The following SLC16A12 variants were observed in gnomAD, a reference collection of about 807,000 sequenced individuals.
The protein encoded by SLC16A12 is solute carrier family 16 member 12.
A neutral mutation model predicts 42.4 loss-of-function variants in SLC16A12; 17 were observed. That is an observed-to-expected ratio of 0.40 (90% CI 0.27 to 0.60). The LOEUF (loss-of-function observed/expected upper bound fraction) is 0.60. Ranked by LOEUF, SLC16A12 falls within the 20% of genes least tolerant of loss-of-function variation. The pLI is 0.42. For missense variants in SLC16A12, 544 were observed against 623.0 expected, an observed-to-expected ratio of 0.87 and a Z score of 1.35; for synonymous variants, 224 against 229.4, an observed-to-expected ratio of 0.98 and a Z score of 0.21.
intron 2 of SLC16A12, among the ~76,000 whole-genome samples, chr10:89,482,782 T>TA (rs397846442): frequency 0.26 from 33,006 of 125,810 alleles, 4,421 homozygotes; most frequent in Non-Finnish European, 0.35. Flanking sequence ...AGACCCTGTC[T>TA]AAAAAAAAAA....
rs1843790536 is a variant in SLC16A12, at chr10:89,554,088, GAAAGAAAGAAA to G, written c.-47+1783_-47+1793del. On this transcript the variant is annotated intron_variant, in intron 2 of 2. Transcript: ENST00000475682. ...AGAAAGAAAGAAAGAAAGAAAGAAA[GAAAGAAAGAAA>G]GAAGGAAGGAAGGAAGGAAGGAAGG... 8.2e-3 allele frequency among the ~76,000 whole-genome samples: 822 copies of G among 100,082 alleles called. 5 individuals are homozygous for G. The highest frequency in any genetic ancestry group is 0.021 in the Middle Eastern group (4 of 188). The allele number at this position is 100,082 out of a possible 152,430, so 65.7% of individuals were successfully genotyped here.
chr10:89,454,934 T>C (rs1043679545), intron 3 of SLC16A12, among the ~76,000 whole-genome samples: 2 of 151,986 alleles, frequency 1.3e-5, no homozygotes, highest in South Asian at 4.2e-4. Context: ...TTGGTGTTCA[T>C]AAAACACTTT....
At chr10:89,491,799 C>A (rs1008920310) in intron 2 of SLC16A12, among the ~76,000 whole-genome samples, 4 of 152,198 alleles carry the variant, frequency 2.6e-5, no homozygotes, top group Non-Finnish European at 4.4e-5. Context: ...TCCACGTGTT[C>A]ATCCAGGGAT....
At chr10:89,485,985 A>C (rs1004900186) in intron 2 of SLC16A12, among the ~76,000 whole-genome samples, 3 of 152,226 alleles carry the variant, frequency 2.0e-5, no homozygotes, top group African/African-American at 7.2e-5. Flanking sequence ...CCATCATGAC[A>C]GAGTGGAAAT....
At chr10:89,453,688 A>C (rs530959912) in intron 3 of SLC16A12, among the ~76,000 whole-genome samples, 25 of 152,306 alleles carry the variant, frequency 1.6e-4, no homozygotes, top group African/African-American at 6.0e-4. Context: ...ATGACAATGA[A>C]ATTGCTTAAT....
At chr10:89,462,762 C>T in intron 2 of SLC16A12, 138 bp from the exon 3 acceptor site, 1 of 952,870 alleles carries the variant, frequency 1.0e-6, no homozygotes, top group Non-Finnish European at 1.5e-6. Context: ...CTGGGGCAGA[C>T]TATTTGTTGT....
rs201137521 is a variant in SLC16A12, at chr10:89,436,866, G to GAA, written c.1029-549_1029-548dup. Among the ~76,000 whole-genome samples the GAA allele has an allele frequency of 1.8e-4, 14 of 76,288 alleles. No homozygotes were observed. In the South Asian group the frequency reaches 5.2e-3, roughly 29 times the overall value. 50.0% of individuals were successfully genotyped at this position (76,288 alleles called of 152,430 possible). On this transcript the variant is annotated intron_variant, in intron 6 of 7. Coordinates refer to ENST00000371790, the MANE Select transcript of SLC16A12 (RefSeq NM_213606.4). ...GAAAGAAAGAAAAGAAAGAAATAAA[G>GAA]AAAAAGAAAGAAAGAAAGAAAGAAA... is the stretch of plus-strand genomic sequence containing the variant.
At chr10:89,532,732 C>G (rs550885739) in intron 2 of SLC16A12, among the ~76,000 whole-genome samples, 6 of 152,162 alleles carry the variant, frequency 3.9e-5, no homozygotes, top group African/African-American at 7.2e-5. Flanking sequence ...AATAAACATG[C>G]CTGAGCTTGC....
chr10:89,469,149 T>C (rs969608710), intron 2 of SLC16A12, among the ~76,000 whole-genome samples: 4 of 152,148 alleles, frequency 2.6e-5, no homozygotes, highest in Non-Finnish European at 5.9e-5. Flanking sequence ...AACTCTTCAT[T>C]TTACTAATCA....
At chr10:89,466,950 C>A (rs2133757928) in intron 2 of SLC16A12, among the ~76,000 whole-genome samples, 2 of 152,294 alleles carry the variant, frequency 1.3e-5, no homozygotes, top group Non-Finnish European at 2.9e-5. Context: ...CTCTTTCTCT[C>A]AATTCCAATA....
At chr10:89,501,061 A>G (rs1157418262) in intron 2 of SLC16A12, among the ~76,000 whole-genome samples, 1 of 152,178 alleles carries the variant, frequency 6.6e-6, no homozygotes, top group East Asian at 1.9e-4. Context: ...AAAACAAAAA[A>G]CAAAAAAAAC....
chr10:89,487,237 T>C (rs1842769754), intron 2 of SLC16A12, among the ~76,000 whole-genome samples: 1 of 152,058 alleles, frequency 6.6e-6, no homozygotes, highest in Non-Finnish European at 1.5e-5. Flanking sequence ...CCCAGAATGG[T>C]GTGGCAAAAA....
intron 3 of SLC16A12, among the ~76,000 whole-genome samples, chr10:89,454,222 G>T (rs540535516): frequency 3.9e-4 from 59 of 152,096 alleles, no homozygotes; most frequent in African/African-American, 1.4e-3. Flanking sequence ...TACCCAGGCT[G>T]GTCTCCAACT....
chr10:89,435,965 T>C, intron 7 of SLC16A12, 95 bp downstream of exon 7: 1 of 1,549,936 alleles, frequency 6.5e-7, no homozygotes, highest in South Asian at 1.2e-5. Context: ...CCAACTCTCT[T>C]GACAGTCCTT....
chr10:89,529,364 A>G lies in SLC16A12; in HGVS notation c.-47+5137T>C, dbSNP rs547721407. Among the ~76,000 whole-genome samples, 20 of 152,294 alleles carry G rather than the reference A, an allele frequency of 1.3e-4. No homozygotes were observed. The South Asian group carries it at 3.9e-3, about 30-fold the overall frequency. On this transcript the variant is annotated intron_variant, in intron 2 of 7. Coordinates refer to ENST00000371790, the MANE Select transcript of SLC16A12 (RefSeq NM_213606.4). ...TTAATTGTGCTCAGGAATATTTTGA[A>G]AAAAACATAGTCTACAAATGATTTG...
At chr10:89,538,323 C>T (rs140970924), upstream of SLC16A12, among the ~76,000 whole-genome samples, 119 of 152,266 alleles carry the variant, frequency 7.8e-4, no homozygotes, top group South Asian at 2.7e-3. Context: ...AGTCCCAACA[C>T]GGCTATAAAA....
intron 2 of SLC16A12, among the ~76,000 whole-genome samples, chr10:89,509,526 G>C (rs1195922936): frequency 1.3e-5 from 2 of 152,178 alleles, no homozygotes; most frequent in Non-Finnish European, 2.9e-5. Flanking sequence ...AAAGGCCTTT[G>C]ACAAAATTTA....
At chr10:89,539,762 A>G (rs1843699892), upstream of SLC16A12, among the ~76,000 whole-genome samples, 1 of 152,210 alleles carries the variant, frequency 6.6e-6, no homozygotes, top group Non-Finnish European at 1.5e-5. Flanking sequence ...CAGCATAAAT[A>G]AGATGCAAGT....
At chr10:89,486,660 AAAGAAAAGAAAGAAAG>A (rs1842757113) in intron 2 of SLC16A12, among the ~76,000 whole-genome samples, 1 of 105,576 alleles carries the variant, frequency 9.5e-6, no homozygotes, top group Non-Finnish European at 2.0e-5. Context: ...AGAAAGAAAG[AAAGAAAAGAAAGAAAG>A]AAAGAAAAGA....
Sources: allele counts gnomAD v4.1 joint callset (sites outside exome capture counted in the v4.1 genomes callset), GRCh38; gene constraint gnomAD v4.1.1; transcripts MANE v1.5; gene names NCBI Gene and HGNC (gene_info 2026-07-23, HGNC 2026-07-21).